The following EPB41L4A variants were observed in gnomAD, a reference collection of about 807,000 sequenced individuals.
EPB41L4A encodes the protein erythrocyte membrane protein band 4.1 like 4A.
In EPB41L4A, 100 loss-of-function variants were observed where a neutral mutation model predicts 108.6. The observed-to-expected ratio is 0.92, with a 90% CI of 0.78 to 1.09. The LOEUF (loss-of-function observed/expected upper bound fraction) is 1.09. Ranked by LOEUF, EPB41L4A falls within the 50% of genes least tolerant of loss-of-function variation. The pLI, the probability that EPB41L4A is intolerant of heterozygous loss-of-function variation, is 0.00. For synonymous variants in EPB41L4A, 319 were observed against 289.0 expected, an observed-to-expected ratio of 1.10 and a Z score of -1.05; for missense variants, 1,030 against 842.7, an observed-to-expected ratio of 1.22 and a Z score of -2.75.
intron 2 of EPB41L4A, among the ~76,000 whole-genome samples, chr5:112,288,771 A>G (rs1015667904): frequency 3.9e-5 from 6 of 151,996 alleles, no homozygotes; most frequent in African/African-American, 1.5e-4. Context: ...AAGGAACTGT[A>G]CTCAAGGGTT....
At chr5:112,263,134 A>C in intron 6 of EPB41L4A, among the ~76,000 whole-genome samples, 1 of 152,196 alleles carries the variant, frequency 6.6e-6, no homozygotes, top group East Asian at 1.9e-4. Context: ...AATTCTTCCC[A>C]AAATCTTCAT....
chr5:112,407,456 G>A (rs1456114697), intron 1 of EPB41L4A, among the ~76,000 whole-genome samples: 2 of 152,302 alleles, frequency 1.3e-5, no homozygotes, highest in East Asian at 3.9e-4. Context: ...TGGGAAGGGT[G>A]TGTGTGTTTA....
At chr5:112,272,434 C>A (rs1342913682) in intron 4 of EPB41L4A, among the ~76,000 whole-genome samples, 1 of 150,330 alleles carries the variant, frequency 6.7e-6, no homozygotes, top group African/African-American at 2.4e-5. Flanking sequence ...AGCCACTGCA[C>A]CTGGCCCTAA....
intron 2 of EPB41L4A, among the ~76,000 whole-genome samples, chr5:112,294,010 T>C (rs559570762): frequency 1.3e-5 from 2 of 152,326 alleles, no homozygotes; most frequent in African/African-American, 4.8e-5. Context: ...ATGACATTGT[T>C]TGAACTCAAA....
intron 12 of EPB41L4A, among the ~76,000 whole-genome samples, chr5:112,229,218 T>G (rs1263575548): frequency 6.6e-6 from 1 of 152,202 alleles, no homozygotes; most frequent in Non-Finnish European, 1.5e-5. Context: ...GTGTTTTTTT[T>G]GAAACACATC....
At chr5:112,211,355 G>A (rs1014977990) in intron 12 of EPB41L4A, among the ~76,000 whole-genome samples, 44 of 152,176 alleles carry the variant, frequency 2.9e-4, no homozygotes, top group African/African-American at 6.0e-4. Context: ...AAGCCGAGGC[G>A]GGCGGATCAC....
intron 2 of EPB41L4A, among the ~76,000 whole-genome samples, chr5:112,283,449 CCATT>C (rs1753087029): frequency 6.6e-6 from 1 of 152,130 alleles, no homozygotes; most frequent in Non-Finnish European, 1.5e-5. Context: ...GCACTTGTCA[CCATT>C]CATTATCAAC....
chr5:112,412,910 G>C (rs1052165932), intron 1 of EPB41L4A, among the ~76,000 whole-genome samples: 1 of 152,218 alleles, frequency 6.6e-6, no homozygotes, highest in South Asian at 2.1e-4. Flanking sequence ...AATATTTAAT[G>C]TATTTACACC....
intron 9 of EPB41L4A, chr5:112,249,519 A>G (rs1343097328): frequency 6.6e-6 from 1 of 152,172 alleles, no homozygotes; most frequent in Non-Finnish European, 1.5e-5. Flanking sequence ...AAATTAAACT[A>G]TGTTAGTACA....
intron 12 of EPB41L4A, among the ~76,000 whole-genome samples, chr5:112,232,832 T>C (rs868817087): frequency 6.6e-6 from 1 of 152,222 alleles, no homozygotes; most frequent in South Asian, 2.1e-4. Flanking sequence ...TGGTATGTAC[T>C]CTTTCCCTTG....
intron 11 of EPB41L4A, among the ~76,000 whole-genome samples, chr5:112,235,947 G>C (rs940857109): frequency 6.6e-6 from 1 of 152,054 alleles, no homozygotes; most frequent in Non-Finnish European, 1.5e-5. Context: ...GGATAACATA[G>C]ATTTCCAAAA....
At chr5:112,400,158 C>A (rs952454530) in intron 1 of EPB41L4A, among the ~76,000 whole-genome samples, 1 of 152,068 alleles carries the variant, frequency 6.6e-6, no homozygotes. Context: ...GAAGCAGGCA[C>A]CTTCTATACA....
rs749115560 is a variant in EPB41L4A, at chr5:112,239,642, GA to G, written c.965+17del. 89 of 1,541,220 alleles carry G rather than the reference GA, an allele frequency of 5.8e-5. No homozygotes were observed. Among genetic ancestry groups the G allele is most frequent in the Non-Finnish European group, 7.5e-5 (85 of 1,133,664 alleles). On this transcript the variant is annotated intron_variant, in intron 11 of 22. Coordinates refer to ENST00000261486, the MANE Select transcript of EPB41L4A (RefSeq NM_022140.5). The stretch of plus-strand genomic sequence containing the variant: ...TTATTTACAAACACATCCCCCCAAG[GA>G]AAAAAATGTCATTTACCTGTAGCGG...
intron 2 of EPB41L4A, among the ~76,000 whole-genome samples, chr5:112,306,407 T>C (rs761868242): frequency 2.0e-5 from 3 of 152,080 alleles, no homozygotes; most frequent in Non-Finnish European, 4.4e-5. Flanking sequence ...ATTCCAACCT[T>C]ATGAAATCCT....
At chr5:112,376,103 G>A (rs1016365839) in intron 1 of EPB41L4A, among the ~76,000 whole-genome samples, 2 of 152,292 alleles carry the variant, frequency 1.3e-5, no homozygotes, top group Admixed American at 1.3e-4. Context: ...AAGCTACTCA[G>A]AGAAAGTTTT....
chr5:112,267,724 TC>T (rs1159853913), intron 4 of EPB41L4A, among the ~76,000 whole-genome samples: 1 of 151,890 alleles, frequency 6.6e-6, no homozygotes, highest in Non-Finnish European at 1.5e-5. Flanking sequence ...CTTCCAATCC[TC>T]CCAAGAGGTA....
At chr5:112,213,355 T>TG (rs1747360198) in intron 12 of EPB41L4A, among the ~76,000 whole-genome samples, 3 of 12,276 alleles carry the variant, frequency 2.4e-4, no homozygotes, top group African/African-American at 9.3e-4. Context: ...TTTTTTTTGT[T>TG]TTTTTTTTTT....
intron 6 of EPB41L4A, 79 bp from the exon 7 acceptor site, chr5:112,262,660 A>G (rs749835400): frequency 1.6e-5 from 18 of 1,116,772 alleles, no homozygotes; most frequent in Non-Finnish European, 2.4e-5. Context: ...TCTTCATTGT[A>G]TTCAATGGGA....
intron 1 of EPB41L4A, among the ~76,000 whole-genome samples, chr5:112,407,883 T>C (rs1762161852): frequency 1.3e-5 from 2 of 152,252 alleles, no homozygotes; most frequent in African/African-American, 2.4e-5. Context: ...GGCATTCTTT[T>C]AGGTTCTTGA....
Sources: allele counts gnomAD v4.1 joint callset (sites outside exome capture counted in the v4.1 genomes callset), GRCh38; gene constraint gnomAD v4.1.1; transcripts MANE v1.5; gene names NCBI Gene and HGNC (gene_info 2026-07-23, HGNC 2026-07-21).